XAB2: variants seen among roughly 807,000 people sequenced by gnomAD.
XAB2 encodes the protein pre-mRNA-splicing factor SYF1.
Under a neutral mutation model 113.4 loss-of-function variants are expected in XAB2, and 57 were observed. The observed-to-expected ratio is 0.50, with a 90% CI of 0.41 to 0.63. XAB2 has a LOEUF of 0.63. Among genes scored for constraint, XAB2 ranks in the 20% least tolerant of loss-of-function variants. XAB2 has a pLI of 0.00. For missense variants in XAB2, 1,037 were observed against 1,233.3 expected (o/e 0.84, Z 2.38); for synonymous variants, 497 against 498.8 (o/e 1.00, Z 0.05).
rs765814892 is a variant in XAB2 at position 7,623,162 on chromosome 19, G to A, written c.1239+8C>T. 5.0e-6 allele frequency: 8 copies of A among 1,613,098 alleles called. No individual in the cohort carries two copies. Among genetic ancestry groups the A allele is most frequent in the Admixed American group, 1.7e-5 (1 of 60,006 alleles). On this transcript the variant is annotated splice_region_variant and intron_variant, in intron 9 of 18. Transcript: ENST00000358368. The surrounding 1 kb of genome is among the most constrained non-coding windows in gnomAD (Gnocchi z 4.6). Reference sequence around the variant, plus strand: ...TGAACACACAGGCACACGCAACAGGGTGCTCACATCGTCCAGCTGTCCGTT... The same window carrying A: ...TGAACACACAGGCACACGCAACAGGATGCTCACATCGTCCAGCTGTCCGTT...
At position 7,623,154 on chromosome 19, in the gene XAB2, G is replaced by C; in HGVS notation, c.1239+16C>G. 2 of 1,612,496 alleles carry C rather than the reference G, an allele frequency of 1.2e-6. No homozygotes were observed. The highest frequency in any genetic ancestry group is 8.5e-7 in the Non-Finnish European group (1 of 1,179,480). ...CACATGCATGAACACACAGGCACAC[G>C]CAACAGGGTGCTCACATCGTCCAGC... On this transcript the variant is annotated intron_variant, in intron 9 of 18. Coordinates refer to ENST00000358368, the MANE Select transcript of XAB2 (RefSeq NM_020196.3). The surrounding 1 kb of genome is among the most constrained non-coding windows in gnomAD (Gnocchi z 4.6).
chr19:7,627,362 G>A lies in XAB2; in HGVS notation c.403C>T (p.Arg135Cys), dbSNP rs769825384. Residue 135 changes from arginine (R) to cysteine (C), a missense_variant, in exon 4 of 19, where the codon CGT (arginine) becomes TGT (cysteine). Arg to Cys is a radical substitution (Grantham distance 180). Coordinates refer to ENST00000358368, the MANE Select transcript of XAB2 (RefSeq NM_020196.3). This position sits in a 1 kb window ranked among gnomAD's most constrained non-coding sequence, Gnocchi z 4.5. ...GTGATGGGCAGTGCCCGGAGGGCAC[G>A]GTCGAAGGTGCGGCGGGTGTGTGTG... ...RVTHTRRTFD[R>C]ALRALPITQH... is the part of the protein sequence containing the mutation. The A allele has an allele frequency of 2.5e-6, 4 of 1,613,352 alleles. No individual in the cohort carries two copies. Among genetic ancestry groups the A allele is most frequent in the Admixed American group, 1.7e-5 (1 of 59,986 alleles).
At chr19:7,622,171 C>A in intron 12 of XAB2, 160 bp downstream of exon 12, 1 of 700,766 alleles carries the variant, frequency 1.4e-6, no homozygotes, top group East Asian at 2.8e-5. Flanking sequence ...CGATCCTGGA[C>A]TTCCAGCCTC....
rs776418935 is a variant in XAB2 at position 7,623,807 on chromosome 19, A to G, written c.1043T>C (p.Val348Ala). ...GTGGTGTGGGTTTTGGCGCAGCAAG[A>G]CGCTGTTGAGGAGCAGGGGCCGCCG... is the stretch of plus-strand genomic sequence containing the variant. ...ISRRPLLLNS[V>A]LLRQNPHHVH... Residue 348 changes from valine (V) to alanine (A), a missense_variant, in exon 8 of 19, where the codon GTC (valine) becomes GCC (alanine). Coordinates refer to ENST00000358368, the MANE Select transcript of XAB2 (RefSeq NM_020196.3). This position sits in a 1 kb window ranked among gnomAD's most constrained non-coding sequence, Gnocchi z 4.6. 12 of 1,611,978 alleles carry G rather than the reference A, an allele frequency of 7.4e-6. No homozygotes were observed. Among genetic ancestry groups the G allele is most frequent in the Non-Finnish European group, 1.0e-5 (12 of 1,179,552 alleles).
rs1275656572 is a variant in XAB2 at position 7,625,742 on chromosome 19, G to A, written c.822+138C>T. 3 of 1,240,306 alleles carry A rather than the reference G, an allele frequency of 2.4e-6. No homozygotes were observed. The highest frequency in any genetic ancestry group is 5.7e-5 in the Admixed American group (2 of 35,124). The allele number at this position is 1,240,306 out of a possible 1,614,324, so 76.8% of individuals were successfully genotyped here. On this transcript the variant is annotated intron_variant, in intron 6 of 18. Transcript: ENST00000358368. This position sits in a 1 kb window ranked among gnomAD's most constrained non-coding sequence, Gnocchi z 5.2. ...GATCCTACCGCCTCGGCCTCCCAAAGTGCTGGGATGACAGGTGTGAGCCAC... is the reference window on the plus strand; with the variant it reads ...GATCCTACCGCCTCGGCCTCCCAAAATGCTGGGATGACAGGTGTGAGCCAC...
rs148694952 is a variant in XAB2 at position 7,627,296 on chromosome 19, G to T, written c.469C>A (p.Arg157Ser). ...GCTGTCTCAGGCAGTGGGTGTGAGCGCAGGAAGCGCAGATACAGGGGCCAA... is the reference window on the plus strand; with the variant it reads ...GCTGTCTCAGGCAGTGGGTGTGAGCTCAGGAAGCGCAGATACAGGGGCCAA... Reference protein sequence around the residue: ...RIWPLYLRFLRSHPLPETAVR... With the variant: ...RIWPLYLRFLSSHPLPETAVR... The change falls in exon 4 of 19, where the codon CGC (arginine) becomes AGC (serine). Residue 157 changes from arginine to serine, a missense_variant. Coordinates refer to ENST00000358368, the MANE Select transcript of XAB2 (RefSeq NM_020196.3). The surrounding 1 kb of genome is among the most constrained non-coding windows in gnomAD (Gnocchi z 4.5). 6.2e-7 allele frequency: 1 copy of T among 1,613,710 alleles called. No individual in the cohort carries two copies. Among genetic ancestry groups the T allele is most frequent in the South Asian group, 1.1e-5 (1 of 91,092 alleles).
intron 12 of XAB2, chr19:7,621,590 C>T: frequency 2.2e-6 from 1 of 448,178 alleles, no homozygotes; most frequent in Non-Finnish European, 4.0e-6. Flanking sequence ...CTGACGCTGG[C>T]TGCCTGTCCC....
rs373759660 is a variant in XAB2, at chr19:7,624,472, G to A, written c.823-27C>T. On this transcript the variant is annotated intron_variant, in intron 6 of 18. Transcript: ENST00000358368. This position sits in a 1 kb window ranked among gnomAD's most constrained non-coding sequence, Gnocchi z 4.2. Reference sequence around the variant, plus strand: ...TGTGGGGACCCAGGGAAGGGGAGGTGAGAGGAAAGTGGCGCAGGGGACAGG... The same window carrying A: ...TGTGGGGACCCAGGGAAGGGGAGGTAAGAGGAAAGTGGCGCAGGGGACAGG... The A allele has an allele frequency of 6.2e-6, 10 of 1,613,490 alleles. No homozygotes were observed. In the African/African-American group the frequency reaches 1.2e-4, roughly 19 times the overall value.
chr19:7,621,547 T>C, intron 12 of XAB2: 1 of 509,938 alleles, frequency 2.0e-6, no homozygotes, highest in Non-Finnish European at 3.5e-6. Flanking sequence ...GGAGGTGACA[T>C]GATGGGTGAA....
chr19:7,619,861 G>A lies in XAB2; in HGVS notation c.2397-5C>T, dbSNP rs1381963514. ...TCCTCCCGGGAGGCGTCACTCCTAGGGACGGGCCATGCTGCCTCAGTTCCC... is the reference window on the plus strand; with the variant it reads ...TCCTCCCGGGAGGCGTCACTCCTAGAGACGGGCCATGCTGCCTCAGTTCCC... On this transcript the variant is annotated splice_region_variant and splice_polypyrimidine_tract_variant and intron_variant, in intron 17 of 18. Coordinates refer to ENST00000358368, the MANE Select transcript of XAB2 (RefSeq NM_020196.3). 6.2e-7 allele frequency: 1 copy of A among 1,611,376 alleles called. No individual in the cohort carries two copies. Among genetic ancestry groups the A allele is most frequent in the South Asian group, 1.1e-5 (1 of 91,090 alleles).
At position 7,626,236 on chromosome 19, in the gene XAB2, T is replaced by C. The variant is rs371295329; in HGVS notation, c.557A>G (p.Tyr186Cys). ...ATCCAGCCGGTCACTTGACTTGAGG[T>C]ACTCAATGTACTCCTCTGCACTCTC... Reference protein sequence around the residue: ...SPESAEEYIEYLKSSDRLDEA... With the variant: ...SPESAEEYIECLKSSDRLDEA... The change falls in exon 5 of 19, where the codon TAC (tyrosine) becomes TGC (cysteine). Residue 186 changes from tyrosine (Y) to cysteine (C), a missense_variant. Tyr to Cys is a radical substitution (Grantham distance 194, BLOSUM62 -2). Coordinates refer to ENST00000358368, the MANE Select transcript of XAB2 (RefSeq NM_020196.3). 1 of 1,613,218 alleles carries C rather than the reference T, an allele frequency of 6.2e-7. No individual in the cohort carries two copies. The highest frequency in any genetic ancestry group is 1.7e-5 in the Admixed American group (1 of 60,032).
In XAB2 at chr19:7,626,167, A is replaced by G. The variant is rs368216104; in HGVS notation, c.626T>C (p.Phe209Ser). 5.0e-6 allele frequency: 8 copies of G among 1,613,562 alleles called. No individual in the cohort carries two copies. The highest frequency in any genetic ancestry group is 6.8e-6 in the Non-Finnish European group (8 of 1,180,000). The change falls in exon 5 of 19, where the codon TTC (phenylalanine) becomes TCC (serine). Residue 209 changes from phenylalanine (F) to serine (S), a missense_variant. By Grantham distance (155) the Phe-to-Ser change is radical. Coordinates refer to ENST00000358368, the MANE Select transcript of XAB2 (RefSeq NM_020196.3). ...GTTGGACTTGCCGGCCTTAGACACG[A>G]AACGCTCGTCGTTCACCACGGTGGC... ...RLATVVNDERFVSKAGKSNYQ... is the reference protein window; with the variant it reads ...RLATVVNDERSVSKAGKSNYQ...
rs960381864 is a variant in XAB2 at position 7,627,103 on chromosome 19, G to A, written c.522+140C>T. Reference sequence around the variant, plus strand: ...TTTGGAAAATAAAGACATGAATCACGGACAACAACAAAACACATGCATCTC... The same window carrying A: ...TTTGGAAAATAAAGACATGAATCACAGACAACAACAAAACACATGCATCTC... On this transcript the variant is annotated intron_variant, in intron 4 of 18. Transcript: ENST00000358368. The surrounding 1 kb of genome is among the most constrained non-coding windows in gnomAD (Gnocchi z 4.5). 63 of 983,948 alleles carry A rather than the reference G, an allele frequency of 6.4e-5. No homozygotes were observed. The African/African-American group carries it at 7.7e-4, about 12-fold the overall frequency. 61.0% of individuals were successfully genotyped at this position (983,948 alleles called of 1,614,324 possible).
intron 12 of XAB2, chr19:7,621,548 G>C: frequency 2.0e-6 from 1 of 510,994 alleles, no homozygotes; most frequent in Non-Finnish European, 3.5e-6. Context: ...GAGGTGACAT[G>C]ATGGGTGAAG....
rs1265161143 is a variant in XAB2 at position 7,624,943 on chromosome 19, C to A, written c.823-498G>T. ...CTCTCTCTACCCAGCCCTGACGGGT[C>A]TTGCCCTGCTGCCTCCGACAGCCTT... On this transcript the variant is annotated intron_variant, in intron 6 of 18. Coordinates refer to ENST00000358368, the MANE Select transcript of XAB2 (RefSeq NM_020196.3). This position sits in a 1 kb window ranked among gnomAD's most constrained non-coding sequence, Gnocchi z 4.2. 6.6e-6 allele frequency among the ~76,000 whole-genome samples: 1 copy of A among 152,204 alleles called. No individual in the cohort carries two copies.
chr19:7,620,927 G>A lies in XAB2; in HGVS notation c.1890C>T (p.Asp630=), dbSNP rs1328688865. The A allele has an allele frequency of 1.9e-6, 3 of 1,600,650 alleles. No homozygotes were observed. The highest frequency in any genetic ancestry group is 1.7e-6 in the Non-Finnish European group (2 of 1,175,438). ...CCCGCTTGATGTAGATGTTGAACAT[G>A]TCATACTGCTGGGCGGGCTCCACGG... is the stretch of plus-strand genomic sequence containing the variant. ...TRAVEPAQQY[D]MFNIYIKRAA... is the part of the protein sequence containing the mutation. The change falls in exon 14 of 19, where the codon GAC becomes GAT. Residue 630 remains aspartate, a synonymous_variant. Transcript: ENST00000358368.
intron 1 of XAB2, 143 bp downstream of exon 1, chr19:7,629,334 C>A (rs1256400210): frequency 3.2e-6 from 3 of 950,696 alleles, no homozygotes; most frequent in Non-Finnish European, 4.8e-6. Context: ...ACATGACGAT[C>A]CGGTCTCTGG....
rs772031695 is a variant in XAB2, at chr19:7,624,312, C to T, written c.956G>A (p.Arg319His). The change falls in exon 7 of 19, where the codon CGC becomes CAC. Residue 319 changes from arginine to histidine, a missense_variant. Coordinates refer to ENST00000358368, the MANE Select transcript of XAB2 (RefSeq NM_020196.3). This position sits in a 1 kb window ranked among gnomAD's most constrained non-coding sequence, Gnocchi z 4.2. Reference protein sequence around the residue: ...AKMETASELGREEEDDVDLEL... With the variant: ...AKMETASELGHEEEDDVDLEL... ...CCCCAGAGGCTCACCCTCCTCCTCG[C>T]GCCCCAGCTCCGAGGCGGTCTCCAT... 1.9e-5 allele frequency: 31 copies of T among 1,613,640 alleles called. No individual in the cohort carries two copies. The highest frequency in any genetic ancestry group is 3.3e-4 in the Middle Eastern group (2 of 6,082).
intron 12 of XAB2, chr19:7,622,070 A>G (rs2031045143): frequency 2.4e-6 from 1 of 420,214 alleles, no homozygotes; most frequent in East Asian, 4.5e-5. Context: ...TGACACACAC[A>G]AAGAGAAGGC....
Sources: allele counts gnomAD v4.1 joint callset (sites outside exome capture counted in the v4.1 genomes callset), GRCh38; gene constraint gnomAD v4.1.1; non-coding constraint Gnocchi (gnomAD v3.1); transcripts MANE v1.5; gene names NCBI Gene and HGNC (gene_info 2026-07-23, HGNC 2026-07-21).